The following DISP1 variants were observed in gnomAD, a reference collection of about 807,000 sequenced individuals.
DISP1 encodes the protein dispatched RND transporter family member 1, also known as protein dispatched homolog 1.
A neutral mutation model predicts 37.3 loss-of-function variants in DISP1; 30 were observed. The ratio of observed to expected loss-of-function variants is 0.80; its 90% CI spans 0.60 to 1.09. The LOEUF is 1.09. Among genes scored for constraint, DISP1 ranks in the 50% least tolerant of loss-of-function variants. The probability of loss-of-function intolerance (pLI) is 0.00; values close to 1 mark genes in which losing one functional copy is unlikely to be tolerated. For synonymous variants in DISP1, 634 were observed against 690.2 expected, an observed-to-expected ratio of 0.92 and a Z score of 1.28; for missense variants, 1,598 against 1,879.5, an observed-to-expected ratio of 0.85 and a Z score of 2.77.
At chr1:222,833,431 T>C (rs1394466589) in intron 1 of DISP1, among the ~76,000 whole-genome samples, 2 of 152,226 alleles carry the variant, frequency 1.3e-5, no homozygotes, top group African/African-American at 2.4e-5. Flanking sequence ...TCTAGTACCC[T>C]ACATATTTAT....
At chr1:222,882,004 G>C (rs1670311024) in intron 1 of DISP1, among the ~76,000 whole-genome samples, 1 of 152,126 alleles carries the variant, frequency 6.6e-6, no homozygotes, top group East Asian at 1.9e-4. Flanking sequence ...CAACAAAAGG[G>C]AAATTTTGAG....
At chr1:222,878,311 C>G (rs558493016) in intron 1 of DISP1, among the ~76,000 whole-genome samples, 1 of 152,244 alleles carries the variant, frequency 6.6e-6, no homozygotes, top group Non-Finnish European at 1.5e-5. Flanking sequence ...TTGCCAATAA[C>G]TGTTCACCCT....
chr1:222,904,831 G>A (rs1469917368), intron 1 of DISP1, among the ~76,000 whole-genome samples: 1 of 152,132 alleles, frequency 6.6e-6, no homozygotes. Context: ...CTCACAAAGT[G>A]CTGGGATTAT....
intron 1 of DISP1, among the ~76,000 whole-genome samples, chr1:222,846,607 A>G (rs779885306): frequency 3.3e-5 from 5 of 152,226 alleles, no homozygotes; most frequent in African/African-American, 4.8e-5. Flanking sequence ...CATTTTAGAG[A>G]CAATGAATTG....
intron 2 of DISP1, among the ~76,000 whole-genome samples, chr1:222,934,902 T>C (rs1358367854): frequency 1.3e-5 from 2 of 152,202 alleles, no homozygotes; most frequent in Non-Finnish European, 1.5e-5. Context: ...AGAACCTCTG[T>C]TGTTAAATGT....
chr1:222,830,789 T>C (rs1665551684), intron 1 of DISP1, among the ~76,000 whole-genome samples: 1 of 152,252 alleles, frequency 6.6e-6, no homozygotes, highest in African/African-American at 2.4e-5. Flanking sequence ...TTAGCGAGGC[T>C]GATAGGCCAT....
chr1:222,960,125 C>T (rs1050355156), intron 3 of DISP1, among the ~76,000 whole-genome samples: 1 of 152,150 alleles, frequency 6.6e-6, no homozygotes, highest in Non-Finnish European at 1.5e-5. Context: ...ATCAAGTGGA[C>T]CTATAGACAT....
At chr1:222,965,848 G>A (rs1175055777) in intron 3 of DISP1, among the ~76,000 whole-genome samples, 10 of 151,980 alleles carry the variant, frequency 6.6e-5, no homozygotes, top group African/African-American at 1.7e-4. Context: ...AAGCCAGGAC[G>A]ACACAGTGAG....
At chr1:222,963,592 G>T (rs751415858) in intron 3 of DISP1, among the ~76,000 whole-genome samples, 1 of 152,142 alleles carries the variant, frequency 6.6e-6, no homozygotes, top group Non-Finnish European at 1.5e-5. Context: ...GCCATTATAA[G>T]GAACAAGATC....
chr1:222,820,308 G>A (rs1018362598), intron 1 of DISP1, among the ~76,000 whole-genome samples: 2 of 152,274 alleles, frequency 1.3e-5, no homozygotes, highest in Middle Eastern at 3.4e-3. Flanking sequence ...GTAACTACTT[G>A]GGGCACATAG....
At chr1:222,966,077 A>T (rs1485397243) in intron 3 of DISP1, among the ~76,000 whole-genome samples, 1 of 152,170 alleles carries the variant, frequency 6.6e-6, no homozygotes, top group Non-Finnish European at 1.5e-5. Context: ...TATTCTGTCA[A>T]ACCAAAGTAT....
chr1:222,833,325 C>T (rs1666228721), intron 1 of DISP1, among the ~76,000 whole-genome samples: 1 of 152,172 alleles, frequency 6.6e-6, no homozygotes, highest in South Asian at 2.1e-4. Context: ...TAAGTAGGTT[C>T]TTCCGTACAC....
chr1:222,833,329 C>T (rs375163763), intron 1 of DISP1, among the ~76,000 whole-genome samples: 1 of 152,228 alleles, frequency 6.6e-6, no homozygotes, highest in Non-Finnish European at 1.5e-5. Context: ...TAGGTTCTTC[C>T]GTACACCCTA....
intron 1 of DISP1, among the ~76,000 whole-genome samples, chr1:222,840,526 G>A (rs1395411521): frequency 1.4e-5 from 2 of 147,686 alleles, no homozygotes; most frequent in African/African-American, 5.0e-5. Context: ...ACAGGCGTGA[G>A]CCACCATGCC....
chr1:222,863,110 A>C (rs1364953437), intron 1 of DISP1, among the ~76,000 whole-genome samples: 1 of 152,184 alleles, frequency 6.6e-6, no homozygotes, highest in Admixed American at 6.5e-5. Flanking sequence ...TTCTCAGTAC[A>C]TCATATCTTT....
intron 2 of DISP1, among the ~76,000 whole-genome samples, chr1:222,931,265 A>C (rs1292727274): frequency 6.6e-6 from 1 of 151,200 alleles, no homozygotes; most frequent in Non-Finnish European, 1.5e-5. Context: ...AAATTTTCTT[A>C]GTTTGATTTA....
intron 2 of DISP1, among the ~76,000 whole-genome samples, chr1:222,936,879 G>C (rs1339238143): frequency 2.4e-5 from 1 of 41,374 alleles, no homozygotes; most frequent in Admixed American, 3.7e-4. Flanking sequence ...TCATATATAT[G>C]ATATATATAA....
intron 1 of DISP1, among the ~76,000 whole-genome samples, chr1:222,909,285 A>C (rs1436202503): frequency 6.6e-6 from 1 of 152,210 alleles, no homozygotes; most frequent in Non-Finnish European, 1.5e-5. Context: ...ATTTATACCT[A>C]TCAGCTCCCT....
intron 3 of DISP1, among the ~76,000 whole-genome samples, chr1:222,948,810 G>A (rs142318467): frequency 6.6e-6 from 1 of 152,196 alleles, no homozygotes; most frequent in African/African-American, 2.4e-5. Flanking sequence ...AATTTTTATT[G>A]TTATTTGCAC....
Sources: gnomAD v4.1 joint callset for allele counts (sites outside exome capture counted in the v4.1 genomes callset) on GRCh38, gnomAD v4.1.1 for gene constraint, MANE v1.5 for transcripts, NCBI Gene and HGNC (gene_info 2026-07-23, HGNC 2026-07-21) for gene names.